The following CCSER1 variants were observed in gnomAD, a reference collection of about 807,000 sequenced individuals.
The protein encoded by CCSER1 is serine-rich coiled-coil domain-containing protein 1.
Under a neutral mutation model 82.0 loss-of-function variants are expected in CCSER1, and 41 were observed. The observed-to-expected ratio is 0.50, with a 90% CI of 0.39 to 0.65. The LOEUF is 0.65. Ranked by LOEUF, CCSER1 falls within the 30% of genes least tolerant of loss-of-function variation. The pLI is 0.00. For missense variants in CCSER1, 1,119 were observed against 1,064.2 expected, an observed-to-expected ratio of 1.05 and a Z score of -0.72; for synonymous variants, 414 against 383.9, an observed-to-expected ratio of 1.08 and a Z score of -0.92.
intron 1 of CCSER1, among the ~76,000 whole-genome samples, chr4:90,260,719 T>A (rs1468060794): frequency 1.3e-5 from 2 of 152,198 alleles, no homozygotes; most frequent in African/African-American, 4.8e-5. Context: ...ATTTGATTTA[T>A]TTCTTGATTT....
chr4:90,764,706 G>T (rs1048166725), intron 7 of CCSER1, among the ~76,000 whole-genome samples: 12 of 152,072 alleles, frequency 7.9e-5, no homozygotes, highest in African/African-American at 2.7e-4. Context: ...ACATTTTAAA[G>T]ACTAATGAAG....
chr4:90,205,679 C>T (rs1431781573), intron 1 of CCSER1, among the ~76,000 whole-genome samples: 1 of 152,034 alleles, frequency 6.6e-6, no homozygotes, highest in Non-Finnish European at 1.5e-5. Flanking sequence ...GTATCTCTGC[C>T]TCGTTTTGGT....
chr4:91,505,004 T>C (rs1418619692), intron 10 of CCSER1, among the ~76,000 whole-genome samples: 1 of 152,184 alleles, frequency 6.6e-6, no homozygotes, highest in African/African-American at 2.4e-5. Context: ...TGGGTAAACA[T>C]GTGCCATGGT....
intron 8 of CCSER1, among the ~76,000 whole-genome samples, chr4:90,908,064 G>A (rs143404944): frequency 2.0e-5 from 3 of 152,110 alleles, no homozygotes; most frequent in African/African-American, 7.2e-5. Flanking sequence ...AGTCAATATG[G>A]TACTAAATAA....
At chr4:91,293,740 A>G (rs1478591118) in intron 10 of CCSER1, among the ~76,000 whole-genome samples, 2 of 151,940 alleles carry the variant, frequency 1.3e-5, no homozygotes, top group African/African-American at 4.8e-5. Flanking sequence ...TTTATTTATT[A>G]TAAACCAGAG....
chr4:90,354,666 A>C (rs1049587535), intron 3 of CCSER1, among the ~76,000 whole-genome samples: 1 of 152,162 alleles, frequency 6.6e-6, no homozygotes, highest in African/African-American at 2.4e-5. Context: ...TAACTAAATA[A>C]AGGTATTAAT....
chr4:91,337,366 T>C (rs1269733703), intron 10 of CCSER1, among the ~76,000 whole-genome samples: 3 of 152,148 alleles, frequency 2.0e-5, no homozygotes, highest in Non-Finnish European at 4.4e-5. Context: ...TCTTGCCTCA[T>C]CATCTTCTGA....
intron 1 of CCSER1, among the ~76,000 whole-genome samples, chr4:90,255,479 T>A (rs950992353): frequency 6.6e-6 from 1 of 152,190 alleles, no homozygotes; most frequent in Admixed American, 6.6e-5. Flanking sequence ...CAGATTGTTA[T>A]AAATTATGGT....
intron 10 of CCSER1, among the ~76,000 whole-genome samples, chr4:91,242,545 G>T (rs1314870573): frequency 6.6e-6 from 1 of 152,074 alleles, no homozygotes; most frequent in Non-Finnish European, 1.5e-5. Flanking sequence ...TAAAAATTCT[G>T]CAAGAAAACA....
chr4:90,150,108 T>C (rs970886319), intron 1 of CCSER1, among the ~76,000 whole-genome samples: 5 of 152,148 alleles, frequency 3.3e-5, no homozygotes, highest in Non-Finnish European at 7.4e-5. Context: ...ATTGAATATA[T>C]TCGTGCAATG....
At chr4:90,230,752 A>T (rs1265821828) in intron 1 of CCSER1, among the ~76,000 whole-genome samples, 1 of 151,818 alleles carries the variant, frequency 6.6e-6, no homozygotes, top group African/African-American at 2.4e-5. Flanking sequence ...AAAAGAGAGA[A>T]GAATCAAATA....
chr4:91,069,334 A>G (rs1721188011), intron 9 of CCSER1, among the ~76,000 whole-genome samples: 1 of 152,158 alleles, frequency 6.6e-6, no homozygotes. Context: ...GCGAGAGAAA[A>G]GAAACAATTT....
intron 1 of CCSER1, among the ~76,000 whole-genome samples, chr4:90,286,784 C>A (rs979355762): frequency 6.6e-6 from 1 of 151,908 alleles, no homozygotes; most frequent in Admixed American, 6.6e-5. Context: ...TTTGTTAAGT[C>A]ATTAACTTAT....
chr4:90,686,701 T>A lies in CCSER1; in HGVS notation c.1933-37213T>A, dbSNP rs143520417. Among the ~76,000 whole-genome samples the A allele has an allele frequency of 4.8e-3, 736 of 152,196 alleles. 6 individuals are homozygous for A. Among genetic ancestry groups the A allele is most frequent in the African/African-American group, 0.017 (691 of 41,528 alleles). ...ACACCAATGTTCTGAAAATTTTCTG[T>A]CAGTTTCCCAAATGGGCAAGCATTT... On this transcript the variant is annotated intron_variant, in intron 6 of 10. Transcript: ENST00000509176.
chr4:90,732,750 A>G (rs948555007), intron 7 of CCSER1, among the ~76,000 whole-genome samples: 2 of 152,138 alleles, frequency 1.3e-5, no homozygotes, highest in Non-Finnish European at 2.9e-5. Flanking sequence ...TAATTATTGT[A>G]ATATTTAGCT....
chr4:91,464,816 A>G (rs1478983919), intron 10 of CCSER1, among the ~76,000 whole-genome samples: 1 of 152,244 alleles, frequency 6.6e-6, no homozygotes, highest in Non-Finnish European at 1.5e-5. Context: ...TATCCTAAAT[A>G]TATATGCACC....
chr4:90,255,375 T>G lies in CCSER1; in HGVS notation c.-41-52869T>G, dbSNP rs181273365. Among the ~76,000 whole-genome samples the G allele has an allele frequency of 2.0e-3, 310 of 152,292 alleles. 2 individuals are homozygous for G. The highest frequency in any genetic ancestry group is 6.7e-3 in the African/African-American group (278 of 41,582). On this transcript the variant is annotated intron_variant, in intron 1 of 10. Transcript: ENST00000509176. ...CATTAATCTTTGATGATTGGAATGA[T>G]TAATGATATCAAGCCATTTTGTTTT...
intron 8 of CCSER1, among the ~76,000 whole-genome samples, chr4:90,825,457 A>G (rs187464633): frequency 2.3e-3 from 355 of 152,288 alleles, no homozygotes; most frequent in Middle Eastern, 0.01. Flanking sequence ...AGTCAGTGGG[A>G]CATAATGATA....
At chr4:91,207,315 A>G (rs962160251) in intron 10 of CCSER1, among the ~76,000 whole-genome samples, 1 of 151,310 alleles carries the variant, frequency 6.6e-6, no homozygotes, top group African/African-American at 2.4e-5. Context: ...GGCATTAAGC[A>G]TAATTAAGCA....
Sources: gnomAD v4.1 joint callset for allele counts (sites outside exome capture counted in the v4.1 genomes callset) on GRCh38, gnomAD v4.1.1 for gene constraint, MANE v1.5 for transcripts, NCBI Gene and HGNC (gene_info 2026-07-23, HGNC 2026-07-21) for gene names.